The following RBFOX1 variants were observed in gnomAD, a reference collection of about 807,000 sequenced individuals.
RBFOX1 encodes RNA binding protein fox-1 homolog 1.
RBFOX1 carries 8 observed loss-of-function variants against 57.7 expected under a neutral mutation model. The observed-to-expected ratio is 0.14, with a 90% confidence interval of 0.08 to 0.25. The LOEUF is 0.25. Ranked by LOEUF, RBFOX1 falls within the 10% of genes least tolerant of loss-of-function variation. The pLI is 1.00. For missense variants in RBFOX1, 611 were observed against 548.5 expected (o/e 1.11, Z -1.14); for synonymous variants, 326 against 222.4 (o/e 1.47, Z -4.15).
chr16:6,644,927 T>C (rs115451021), intron 2 of RBFOX1, among the ~76,000 whole-genome samples: 138 of 152,290 alleles, frequency 9.1e-4, no homozygotes, highest in African/African-American at 3.1e-3. Flanking sequence ...TGTATTTATT[T>C]TCTATGACTT....
intron 1 of RBFOX1, among the ~76,000 whole-genome samples, chr16:6,146,236 G>C (rs1597769497): frequency 6.6e-6 from 1 of 152,202 alleles, no homozygotes; most frequent in South Asian, 2.1e-4. Flanking sequence ...CACAGCAGGA[G>C]CTTCTTGGGT....
intron 2 of RBFOX1, among the ~76,000 whole-genome samples, chr16:6,481,275 C>G (rs868408126): frequency 5.2e-4 from 79 of 152,274 alleles, no homozygotes; most frequent in African/African-American, 1.9e-3. Flanking sequence ...AAATGTGGGC[C>G]TTCATGTCCC....
At chr16:6,166,097 T>C (rs1190330779) in intron 1 of RBFOX1, among the ~76,000 whole-genome samples, 2 of 152,164 alleles carry the variant, frequency 1.3e-5, no homozygotes, top group African/African-American at 4.8e-5. Flanking sequence ...CCTACTCGAA[T>C]TGGTAAAAAT....
chr16:7,285,623 C>G (rs755159624), intron 4 of RBFOX1, among the ~76,000 whole-genome samples: 63 of 151,442 alleles, frequency 4.2e-4, no homozygotes, highest in Non-Finnish European at 6.8e-4. Flanking sequence ...AAGAAATGGA[C>G]CCATATAGTA....
chr16:5,477,085 C>T (rs1597223764), intron 2 of RBFOX1, among the ~76,000 whole-genome samples: 1 of 152,192 alleles, frequency 6.6e-6, no homozygotes, highest in Non-Finnish European at 1.5e-5. Flanking sequence ...ACAATGAAGG[C>T]TCACAGCAGC....
chr16:7,449,992 C>G (rs746527562), intron 4 of RBFOX1, among the ~76,000 whole-genome samples: 1 of 152,130 alleles, frequency 6.6e-6, no homozygotes, highest in Non-Finnish European at 1.5e-5. Context: ...GAGAAGGGCA[C>G]TCCGGGCCAG....
intron 3 of RBFOX1, among the ~76,000 whole-genome samples, chr16:5,851,542 GA>G (rs1567624350): frequency 6.6e-6 from 1 of 152,174 alleles, no homozygotes. Flanking sequence ...GAGGTAATAA[GA>G]AAAGCAAACG....
At chr16:6,732,932 A>G (rs1383640477) in intron 3 of RBFOX1, among the ~76,000 whole-genome samples, 1 of 152,220 alleles carries the variant, frequency 6.6e-6, no homozygotes, top group Admixed American at 6.5e-5. Flanking sequence ...GAAAATGCTA[A>G]TTTCTGAATA....
intron 3 of RBFOX1, among the ~76,000 whole-genome samples, chr16:6,888,759 T>C (rs188304440): frequency 5.9e-4 from 90 of 152,292 alleles, no homozygotes; most frequent in African/African-American, 2.1e-3. Context: ...GCTCATGCCT[T>C]AGTTAAAAGA....
intron 3 of RBFOX1, among the ~76,000 whole-genome samples, chr16:6,987,614 G>T (rs2090588189): frequency 6.6e-6 from 1 of 152,044 alleles, no homozygotes; most frequent in Admixed American, 6.6e-5. Flanking sequence ...TTCATAAATG[G>T]AATTTCCATT....
chr16:6,733,978 G>T (rs994837304), intron 3 of RBFOX1, among the ~76,000 whole-genome samples: 1 of 152,144 alleles, frequency 6.6e-6, no homozygotes, highest in African/African-American at 2.4e-5. Context: ...TAAAGACAAA[G>T]TTTATAGGAC....
chr16:6,613,034 TGTGTGTGTGA>T (rs1442325006), intron 2 of RBFOX1, among the ~76,000 whole-genome samples: 22 of 138,842 alleles, frequency 1.6e-4, no homozygotes, highest in Admixed American at 3.9e-4. Flanking sequence ...TGTGTGTGTG[TGTGTGTGTGA>T]GTGTGTGTGT....
chr16:6,587,770 A>C (rs915874513), intron 2 of RBFOX1, among the ~76,000 whole-genome samples: 1 of 152,226 alleles, frequency 6.6e-6, no homozygotes, highest in African/African-American at 2.4e-5. Flanking sequence ...TAAAACACAC[A>C]GTGAAAACCC....
intron 3 of RBFOX1, among the ~76,000 whole-genome samples, chr16:5,697,271 T>C (rs1436292438): frequency 1.3e-5 from 2 of 152,078 alleles, no homozygotes; most frequent in Admixed American, 1.3e-4. Flanking sequence ...TCAAGACTGT[T>C]TTCGCTCTCT....
intron 3 of RBFOX1, among the ~76,000 whole-genome samples, chr16:6,851,658 G>T (rs780114898): frequency 2.0e-5 from 3 of 152,114 alleles, no homozygotes; most frequent in Non-Finnish European, 4.4e-5. Flanking sequence ...AAAGAACAAG[G>T]CTCTAGGGTC....
chr16:6,674,724 C>A (rs1440236585), intron 3 of RBFOX1, among the ~76,000 whole-genome samples: 4 of 152,150 alleles, frequency 2.6e-5, no homozygotes, highest in Admixed American at 2.6e-4. Context: ...GATGCACATA[C>A]AAGCCAAGGA....
chr16:7,216,348 G>A (rs181803399), intron 4 of RBFOX1, among the ~76,000 whole-genome samples: 162 of 152,224 alleles, frequency 1.1e-3, no homozygotes, highest in African/African-American at 3.6e-3. Flanking sequence ...TCCGTAAAAT[G>A]GGAATAATAA....
intron 4 of RBFOX1, among the ~76,000 whole-genome samples, chr16:7,077,978 C>G (rs2058566311): frequency 6.6e-6 from 1 of 152,186 alleles, no homozygotes; most frequent in Non-Finnish European, 1.5e-5. Context: ...GCTGTGCTGT[C>G]TCCTGAGTTA....
rs546622629 is a variant in RBFOX1, at chr16:5,327,517, T to C, written c.219+87412T>C. On this transcript the variant is annotated intron_variant, in intron 1 of 2. Transcript: ENST00000585867. ...TCTTGACACTGCCTGACTTTGAAAC[T>C]TGCAAATGTTAACTTTGCAGCAGCT... is the stretch of plus-strand genomic sequence containing the variant. Among the ~76,000 whole-genome samples the C allele has an allele frequency of 3.3e-5, 5 of 152,324 alleles. No homozygotes were observed. The South Asian group carries it at 8.3e-4, about 25-fold the overall frequency.
Sources: allele counts gnomAD v4.1 joint callset (sites outside exome capture counted in the v4.1 genomes callset), GRCh38; gene constraint gnomAD v4.1.1; transcripts MANE v1.5; gene names NCBI Gene and HGNC (gene_info 2026-07-23, HGNC 2026-07-21).